MID1: variants seen among roughly 807,000 people sequenced by gnomAD.
MID1 encodes the protein E3 ubiquitin-protein ligase Midline-1.
A neutral mutation model predicts 40.4 loss-of-function variants in MID1; 7 were observed. The observed-to-expected ratio is 0.17, with a 90% CI of 0.10 to 0.33. The LOEUF (loss-of-function observed/expected upper bound fraction) is 0.33. Ranked by LOEUF, MID1 falls within the 10% of genes least tolerant of loss-of-function variation. The probability of loss-of-function intolerance (pLI) is 1.00; values close to 1 mark genes in which losing one functional copy is unlikely to be tolerated. For missense variants in MID1, 367 were observed against 558.5 expected, an observed-to-expected ratio of 0.66 and a Z score of 3.46; for synonymous variants, 229 against 221.2, an observed-to-expected ratio of 1.04 and a Z score of -0.31.
intron 5 of MID1, 75 bp from the exon 6 acceptor site, chrX:10,474,825 A>G: frequency 9.3e-7 from 1 of 1,071,937 alleles, no homozygotes; most frequent in Non-Finnish European, 1.3e-6. Flanking sequence ...ATGAAAAAGA[A>G]AAGGAAAATA....
At chrX:10,713,341 T>G (rs1261030462) in intron 1 of MID1, among the ~76,000 whole-genome samples, 20 of 106,531 alleles carry the variant, frequency 1.9e-4, no homozygotes, top group Non-Finnish European at 3.3e-4. Flanking sequence ...TTTTTTTTTT[T>G]GAGACAGGAT....
intron 8 of MID1, 115 bp from the exon 9 acceptor site, chrX:10,455,192 CCT>C: frequency 1.7e-6 from 1 of 595,482 alleles, no homozygotes. Context: ...GCCAGCCCTC[CCT>C]GAGTCATGCC....
chrX:10,681,025 C>CAATAATAATAAT (rs56941761), intron 1 of MID1, among the ~76,000 whole-genome samples: 23 of 82,582 alleles, frequency 2.8e-4, no homozygotes, highest in African/African-American at 7.8e-4. Flanking sequence ...GACCCTGTCT[C>CAATAATAATAAT]AATAATAATA....
chrX:10,454,808 T>C, intron 9 of MID1, 62 bp downstream of exon 9: 5 of 990,152 alleles, frequency 5.0e-6, no homozygotes, highest in Non-Finnish European at 7.2e-6. Context: ...GGGTTGACTC[T>C]CTAAGTACAG....
At chrX:10,628,225 T>C (rs923091924) in intron 1 of MID1, among the ~76,000 whole-genome samples, 1 of 110,992 alleles carries the variant, frequency 9.0e-6, no homozygotes, top group Non-Finnish European at 1.9e-5. Flanking sequence ...TCTTATATTA[T>C]TCCCCTGATG....
At chrX:10,828,118 A>G (rs776460828) in intron 1 of MID1, among the ~76,000 whole-genome samples, 1 of 111,977 alleles carries the variant, frequency 8.9e-6, no homozygotes, top group South Asian at 3.7e-4. Flanking sequence ...GAATCTTATA[A>G]TCGATCATAT....
At chrX:10,568,998 C>T (rs985199113) in intron 1 of MID1, among the ~76,000 whole-genome samples, 5 of 111,548 alleles carry the variant, frequency 4.5e-5, no homozygotes, top group Non-Finnish European at 9.4e-5. Context: ...GTGGGGAGAG[C>T]GTTCTCAGCC....
intron 1 of MID1, among the ~76,000 whole-genome samples, chrX:10,653,293 A>G (rs1251021810): frequency 2.7e-5 from 3 of 112,664 alleles, no homozygotes; most frequent in Non-Finnish European, 3.7e-5. Flanking sequence ...TACCCTTCAA[A>G]TGTGTAGATT....
At chrX:10,524,028 T>C (rs907873647) in intron 2 of MID1, among the ~76,000 whole-genome samples, 1 of 111,758 alleles carries the variant, frequency 8.9e-6, no homozygotes, top group Non-Finnish European at 1.9e-5. Context: ...ACCCTGAAAT[T>C]AATCCTTTAT....
intron 1 of MID1, among the ~76,000 whole-genome samples, chrX:10,811,119 A>T (rs1334491572): frequency 9.0e-6 from 1 of 111,572 alleles, no homozygotes; most frequent in Admixed American, 9.5e-5. Context: ...ACTCTAGCTT[A>T]TGACAACAAT....
chrX:10,782,208 A>G (rs1329978147), intron 1 of MID1, among the ~76,000 whole-genome samples: 1 of 111,555 alleles, frequency 9.0e-6, no homozygotes. Flanking sequence ...TCATCATGAA[A>G]TCTCTTTTCT....
At chrX:10,481,007 A>G (rs1430506075) in intron 5 of MID1, among the ~76,000 whole-genome samples, 1 of 112,205 alleles carries the variant, frequency 8.9e-6, no homozygotes, top group Non-Finnish European at 1.9e-5. Context: ...AATTTGAGTC[A>G]TAAGATGGCG....
At chrX:10,713,993 T>A (rs752468290) in intron 1 of MID1, among the ~76,000 whole-genome samples, 1 of 111,918 alleles carries the variant, frequency 8.9e-6, no homozygotes, top group South Asian at 3.8e-4. Flanking sequence ...TTACGTGCCC[T>A]ATGACAGCGG....
intron 1 of MID1, among the ~76,000 whole-genome samples, chrX:10,753,463 A>C (rs1404609346): frequency 9.0e-6 from 1 of 110,984 alleles, no homozygotes; most frequent in Non-Finnish European, 1.9e-5. Flanking sequence ...ATATGCCCTG[A>C]GGAAGGATAA....
chrX:10,613,728 TATATAGAGAGAGAGAG>T (rs1349241852), intron 1 of MID1, among the ~76,000 whole-genome samples: 5 of 40,064 alleles, frequency 1.2e-4, no homozygotes, highest in South Asian at 1.5e-3. Flanking sequence ...TATATATATA[TATATAGAGAGAGAGAG>T]AGAGAGAGAG....
intron 1 of MID1, among the ~76,000 whole-genome samples, chrX:10,766,561 T>C (rs2043731056): frequency 8.9e-6 from 1 of 112,008 alleles, no homozygotes; most frequent in Non-Finnish European, 1.9e-5. Context: ...TCAAAATTTC[T>C]TAAAATATTT....
chrX:10,794,672 A>T (rs1419690116), intron 1 of MID1, among the ~76,000 whole-genome samples: 1 of 112,416 alleles, frequency 8.9e-6, no homozygotes, highest in Admixed American at 9.4e-5. Context: ...CTAAATGGTG[A>T]CTGCCATTCT....
intron 1 of MID1, among the ~76,000 whole-genome samples, chrX:10,774,808 T>C (rs751594041): frequency 1.9e-4 from 21 of 111,460 alleles, no homozygotes; most frequent in Non-Finnish European, 4.0e-4. Flanking sequence ...TCAAAGTCTT[T>C]CGTCAAATTC....
At chrX:10,795,404 G>T (rs1453948594) in intron 1 of MID1, among the ~76,000 whole-genome samples, 1 of 112,397 alleles carries the variant, frequency 8.9e-6, no homozygotes, top group Middle Eastern at 4.2e-3. Context: ...GGTGGATGTT[G>T]CTCAGTGTCT....
Sources: allele counts gnomAD v4.1 joint callset (sites outside exome capture counted in the v4.1 genomes callset), GRCh38; gene constraint gnomAD v4.1.1; transcripts MANE v1.5; gene names NCBI Gene and HGNC (gene_info 2026-07-23, HGNC 2026-07-21).